GALNT13: variants seen among roughly 807,000 people sequenced by gnomAD.
The protein encoded by GALNT13 is UDP-GalNAc:polypeptide N-acetylgalactosaminyltransferase 13.
Under a neutral mutation model 64.2 loss-of-function variants are expected in GALNT13, and 28 were observed. That is an observed-to-expected ratio of 0.44 (90% CI 0.32 to 0.60). The LOEUF (loss-of-function observed/expected upper bound fraction) is 0.60. Among genes scored for constraint, GALNT13 ranks in the 20% least tolerant of loss-of-function variants. The pLI, the probability that GALNT13 is intolerant of heterozygous loss-of-function variation, is 0.05. For missense variants in GALNT13, 577 were observed against 669.8 expected (o/e 0.86, Z 1.53); for synonymous variants, 214 against 224.6 (o/e 0.95, Z 0.42).
the GALNT13 span, among the ~76,000 whole-genome samples, chr2:153,568,892 T>C: frequency 6.6e-6 from 1 of 152,208 alleles, no homozygotes; most frequent in Non-Finnish European, 1.5e-5. Context: ...ATAGAGTATG[T>C]CTAAATTTAT....
chr2:153,221,682 G>A, the GALNT13 span, among the ~76,000 whole-genome samples: 13 of 151,840 alleles, frequency 8.6e-5, no homozygotes, highest in Non-Finnish European at 7.4e-5. Context: ...TGAGCCAGGC[G>A]CAGAGCAGTG....
At chr2:154,349,761 T>G (rs1300916067) in intron 9 of GALNT13, among the ~76,000 whole-genome samples, 1 of 152,178 alleles carries the variant, frequency 6.6e-6, no homozygotes, top group African/African-American at 2.4e-5. Context: ...CTTAATAACC[T>G]AAATCTCTGG....
chr2:154,415,923 A>G (rs759666153), intron 11 of GALNT13, among the ~76,000 whole-genome samples: 4 of 152,164 alleles, frequency 2.6e-5, no homozygotes, highest in Non-Finnish European at 5.9e-5. Context: ...TTCACAGAGT[A>G]AATTTGCAAG....
At chr2:154,168,662 A>C (rs1685171441) in intron 4 of GALNT13, among the ~76,000 whole-genome samples, 2 of 120,394 alleles carry the variant, frequency 1.7e-5, no homozygotes, top group Admixed American at 8.6e-5. Flanking sequence ...GTGAAACCTC[A>C]TCTCTACTAT....
chr2:153,380,914 G>GT, the GALNT13 span, among the ~76,000 whole-genome samples: 2 of 151,754 alleles, frequency 1.3e-5, no homozygotes, highest in East Asian at 1.9e-4. Context: ...TCAATTTGGG[G>GT]TTTTTTTGTG....
At chr2:153,511,342 G>A in the GALNT13 span, among the ~76,000 whole-genome samples, 1 of 152,024 alleles carries the variant, frequency 6.6e-6, no homozygotes, top group Non-Finnish European at 1.5e-5. Flanking sequence ...GGTTCCTATA[G>A]ATTAGGCGTG....
At chr2:154,188,695 G>A (rs1399480395) in intron 4 of GALNT13, among the ~76,000 whole-genome samples, 1 of 152,156 alleles carries the variant, frequency 6.6e-6, no homozygotes, top group Non-Finnish European at 1.5e-5. Flanking sequence ...AACAAATGGA[G>A]TAGGATGTGA....
intron 12 of GALNT13, 151 bp downstream of exon 12, chr2:154,438,877 G>A: frequency 1.7e-6 from 1 of 578,202 alleles, no homozygotes; most frequent in East Asian, 2.9e-5. Context: ...ATATTAGGAT[G>A]GCATATCATA....
chr2:153,540,148 G>T, the GALNT13 span, among the ~76,000 whole-genome samples: 1 of 152,158 alleles, frequency 6.6e-6, no homozygotes, highest in Non-Finnish European at 1.5e-5. Flanking sequence ...CTGGTCCAGG[G>T]CCCCCCTGCT....
At chr2:153,228,514 T>C in the GALNT13 span, among the ~76,000 whole-genome samples, 1 of 151,824 alleles carries the variant, frequency 6.6e-6, no homozygotes, top group South Asian at 2.1e-4. Context: ...CTAAGTTCTT[T>C]GTATTGAGGC....
At chr2:153,405,907 CAA>C in the GALNT13 span, among the ~76,000 whole-genome samples, 1 of 152,132 alleles carries the variant, frequency 6.6e-6, no homozygotes, top group Non-Finnish European at 1.5e-5. Context: ...GACTGGCAAG[CAA>C]AGATTCACTC....
the GALNT13 span, among the ~76,000 whole-genome samples, chr2:153,622,003 A>AT: frequency 6.6e-6 from 1 of 151,970 alleles, no homozygotes; most frequent in Admixed American, 6.6e-5. Context: ...GTGTCATATT[A>AT]TTTTTTCTTA....
intron 2 of GALNT13, among the ~76,000 whole-genome samples, chr2:153,919,056 ATTCT>A (rs1169286027): frequency 6.6e-6 from 1 of 152,092 alleles, no homozygotes; most frequent in Non-Finnish European, 1.5e-5. Context: ...TTGATCATTC[ATTCT>A]ATTTCAGAAT....
At chr2:153,987,070 G>A (rs1694846941) in intron 3 of GALNT13, among the ~76,000 whole-genome samples, 1 of 151,862 alleles carries the variant, frequency 6.6e-6, no homozygotes, top group Non-Finnish European at 1.5e-5. Context: ...GAACTTAGGA[G>A]CAAGGGATTC....
intron 1 of GALNT13, among the ~76,000 whole-genome samples, chr2:153,883,546 C>A (rs554727343): frequency 6.6e-6 from 1 of 152,032 alleles, no homozygotes; most frequent in East Asian, 1.9e-4. Flanking sequence ...TGAACCTCAG[C>A]AAACTATGGT....
intron 4 of GALNT13, among the ~76,000 whole-genome samples, chr2:154,194,597 C>T (rs1326752527): frequency 2.0e-5 from 3 of 152,100 alleles, no homozygotes; most frequent in Admixed American, 1.3e-4. Flanking sequence ...TTTCCACTGC[C>T]CCTTTAGAGC....
intron 3 of GALNT13, among the ~76,000 whole-genome samples, chr2:154,084,419 C>T (rs953255461): frequency 5.9e-5 from 9 of 151,762 alleles, no homozygotes; most frequent in African/African-American, 1.4e-4. Flanking sequence ...CAATTGTGAG[C>T]TGTGAAACAA....
chr2:153,724,903 C>T, the GALNT13 span, among the ~76,000 whole-genome samples: 1 of 151,346 alleles, frequency 6.6e-6, no homozygotes, highest in Non-Finnish European at 1.5e-5. Flanking sequence ...TGTGGCCATT[C>T]CTCAGGGATC....
chr2:153,313,642 CT>C, the GALNT13 span, among the ~76,000 whole-genome samples: 1 of 152,146 alleles, frequency 6.6e-6, no homozygotes, highest in East Asian at 1.9e-4. Context: ...ACAACAAACT[CT>C]TGTGACAGAA....
Sources: allele counts gnomAD v4.1 joint callset (sites outside exome capture counted in the v4.1 genomes callset), GRCh38; gene constraint gnomAD v4.1.1; transcripts MANE v1.5; gene names NCBI Gene and HGNC (gene_info 2026-07-23, HGNC 2026-07-21).